ZNF292: variants seen among roughly 807,000 people sequenced by gnomAD.
The protein encoded by ZNF292 is 16 zinc-finger domain protein.
ZNF292 carries 26 observed loss-of-function variants against 217.9 expected under a neutral mutation model. The observed-to-expected ratio is 0.12, with a 90% CI of 0.09 to 0.17. The LOEUF (loss-of-function observed/expected upper bound fraction) is 0.17. Among genes scored for constraint, ZNF292 ranks in the 10% least tolerant of loss-of-function variants. The pLI is 1.00. For missense variants in ZNF292, 2,904 were observed against 3,175.2 expected, an observed-to-expected ratio of 0.91 and a Z score of 2.05; for synonymous variants, 1,257 against 1,124.1, an observed-to-expected ratio of 1.12 and a Z score of -2.37.
intron 1 of ZNF292, among the ~76,000 whole-genome samples, chr6:87,185,230 A>T (rs1211809852): frequency 6.6e-6 from 1 of 152,220 alleles, no homozygotes; most frequent in Non-Finnish European, 1.5e-5. Flanking sequence ...CATATGATGC[A>T]AATGTCCTTT....
At chr6:87,189,688 A>C (rs914887677) in intron 1 of ZNF292, among the ~76,000 whole-genome samples, 1 of 151,954 alleles carries the variant, frequency 6.6e-6, no homozygotes, top group Non-Finnish European at 1.5e-5. Flanking sequence ...GCCATCATCA[A>C]AGATGTATAT....
At chr6:87,240,232 A>G (rs549279021) in intron 5 of ZNF292, among the ~76,000 whole-genome samples, 21 of 152,268 alleles carry the variant, frequency 1.4e-4, no homozygotes, top group Admixed American at 6.5e-4. Context: ...TGCGCCTGCA[A>G]TCTCAGGCAC....
intron 1 of ZNF292, among the ~76,000 whole-genome samples, chr6:87,168,882 A>G (rs1771000043): frequency 6.6e-6 from 1 of 152,140 alleles, no homozygotes; most frequent in Non-Finnish European, 1.5e-5. Flanking sequence ...CAAAATCCCC[A>G]GATGCTCAAG....
intron 1 of ZNF292, among the ~76,000 whole-genome samples, chr6:87,203,152 T>TG (rs1457685693): frequency 1.3e-5 from 2 of 150,132 alleles, no homozygotes; most frequent in Admixed American, 6.6e-5. Flanking sequence ...TTTTTTTTTT[T>TG]TTAAAGTGAG....
chr6:87,169,385 C>T (rs1771024970), intron 1 of ZNF292, among the ~76,000 whole-genome samples: 2 of 151,790 alleles, frequency 1.3e-5, no homozygotes, highest in Admixed American at 1.3e-4. Context: ...TTTGTTGAAT[C>T]TATGGGTATG....
At chr6:87,250,937 T>C (rs1774888300) in intron 7 of ZNF292, among the ~76,000 whole-genome samples, 1 of 152,218 alleles carries the variant, frequency 6.6e-6, no homozygotes, top group South Asian at 2.1e-4. Flanking sequence ...GAATCTTGAA[T>C]ATCCAGTGAG....
chr6:87,167,250 C>T (rs957323189), intron 1 of ZNF292, among the ~76,000 whole-genome samples: 4 of 152,176 alleles, frequency 2.6e-5, no homozygotes, highest in Admixed American at 2.0e-4. Context: ...GTCACTTCAG[C>T]GAAAAACTTG....
Position 87,256,921 on chromosome 6 carries a change from T to A in ZNF292, c.3292T>A (p.Phe1098Ile), listed in dbSNP as rs370800153. The A allele has an allele frequency of 5.0e-6, 8 of 1,613,712 alleles. No homozygotes were observed. Among genetic ancestry groups the A allele is most frequent in the Non-Finnish European group, 6.8e-6 (8 of 1,179,836 alleles). The change falls in exon 8 of 8, where the codon TTC becomes ATC. Residue 1098 changes from phenylalanine to isoleucine, a missense_variant. Transcript: ENST00000369577. ...GCCTCCAAAAGCTCCAGTTCAGAAA[T>A]TCAGCTGCCAGGTCGAGGGATGTAC... The part of the protein sequence containing the change: ...SVPPKAPVQK[F>I]SCQVEGCTRT...
In ZNF292 at chr6:87,169,657, GTT is replaced by G. The variant is rs1582374403; in HGVS notation, c.168+13899_168+13900del. ...TAGCATTTAGTTGTTTTTTTGTTTT[GTT>G]CTGTTTTGAGACAGGGTCTCACTGT... is the stretch of plus-strand genomic sequence containing the variant. On this transcript the variant is annotated intron_variant, in intron 1 of 7. Transcript: ENST00000369577. The G allele has an allele frequency of 6.3e-5, 27 of 429,442 alleles. No individual in the cohort carries two copies. The East Asian group carries it at 7.8e-4, about 12-fold the overall frequency. The allele number at this position is 429,442 out of a possible 1,614,324, so 26.6% of individuals were successfully genotyped here. A position where few individuals can be genotyped will look rare whatever the true frequency, so the allele number is the denominator to read the frequency against.
chr6:87,192,002 ATT>A (rs1396704226), intron 1 of ZNF292, among the ~76,000 whole-genome samples: 1 of 152,122 alleles, frequency 6.6e-6, no homozygotes, highest in African/African-American at 2.4e-5. Flanking sequence ...AGGTTTGAGA[ATT>A]TGTTTCTCAT....
At chr6:87,190,915 A>T (rs1255918606) in intron 1 of ZNF292, among the ~76,000 whole-genome samples, 2 of 152,226 alleles carry the variant, frequency 1.3e-5, no homozygotes, top group Non-Finnish European at 2.9e-5. Context: ...AAGCAATACA[A>T]ATATCTTCCT....
At chr6:87,247,298 T>TGCATGCATGCATGCATGCAC (rs1185709681) in intron 7 of ZNF292, among the ~76,000 whole-genome samples, 1 of 149,440 alleles carries the variant, frequency 6.7e-6, no homozygotes, top group African/African-American at 2.5e-5. Context: ...CGCACGTGCA[T>TGCATGCATGCATGCATGCAC]GCATGCATGC....
chr6:87,223,220 G>A (rs576144121), intron 4 of ZNF292: 5 of 154,264 alleles, frequency 3.2e-5, no homozygotes, highest in Admixed American at 6.5e-5. Context: ...AGCTGGGACC[G>A]CAGGCATGTA....
rs574602182 is a variant in ZNF292, at chr6:87,244,371, AT to A, written c.878+763del. On this transcript the variant is annotated intron_variant, in intron 6 of 7. Transcript: ENST00000369577. Reference sequence around the variant, plus strand: ...TCTGAAGGGAGAATAAATAAGAAGTATTTATCCAGGACAAGTGTAATAGGTT... The same window carrying A: ...TCTGAAGGGAGAATAAATAAGAAGTATTATCCAGGACAAGTGTAATAGGTT... 1.4e-3 allele frequency among the ~76,000 whole-genome samples: 210 copies of A among 152,354 alleles called. 8 individuals are homozygous for A. In the South Asian group the frequency reaches 0.042, roughly 30 times the overall value.
chr6:87,209,262 C>T (rs1184081703), intron 1 of ZNF292, among the ~76,000 whole-genome samples: 1 of 152,110 alleles, frequency 6.6e-6, no homozygotes, highest in Admixed American at 6.5e-5. Context: ...GTCAGTCTTA[C>T]ATATGCTTTC....
chr6:87,263,808 T>C lies in ZNF292; in HGVS notation c.*2007T>C, dbSNP rs1389804725. ...GTTTTCTTAGAAATTGACCTAGCTC[T>C]TAAAGGTGGGCACTTGGCAAAACTG... On this transcript the variant is annotated 3_prime_UTR_variant, in exon 8 of 8. Transcript: ENST00000369577. 1 of 152,138 alleles carries C rather than the reference T, an allele frequency of 6.6e-6. No homozygotes were observed. Among genetic ancestry groups the C allele is most frequent in the East Asian group, 1.9e-4 (1 of 5,200 alleles). 9.4% of individuals were successfully genotyped at this position (152,138 alleles called of 1,614,324 possible).
At chr6:87,242,149 C>T (rs986965790) in intron 5 of ZNF292, among the ~76,000 whole-genome samples, 43 of 152,130 alleles carry the variant, frequency 2.8e-4, no homozygotes, top group African/African-American at 1.0e-3. Context: ...AAATATATAT[C>T]CTTCGGTCTT....
At chr6:87,202,691 A>G (rs1772130018) in intron 1 of ZNF292, among the ~76,000 whole-genome samples, 1 of 152,142 alleles carries the variant, frequency 6.6e-6, no homozygotes, top group South Asian at 2.1e-4. Context: ...GTAAAGAGAT[A>G]CTGATTCTTC....
At position 87,218,682 on chromosome 6, in the gene ZNF292, C is replaced by T; in HGVS notation, c.489C>T (p.Asn163=). The change falls in exon 4 of 8, where the codon AAC becomes AAT. Residue 163 remains asparagine, a synonymous_variant. Transcript: ENST00000369577. ...TLAQETGVWK[N]PVLCTILSQE... is the part of the protein sequence containing the mutation. ...CTCAAGAGACTGGGGTGTGGAAAAA[C>T]CCGGTACTGTGCACTATTCTTTCCC... 7 of 1,597,480 alleles carry T rather than the reference C, an allele frequency of 4.4e-6. No individual in the cohort carries two copies. The highest frequency in any genetic ancestry group is 6.0e-6 in the Non-Finnish European group (7 of 1,172,258).
Sources: gnomAD v4.1 joint callset for allele counts (sites outside exome capture counted in the v4.1 genomes callset) on GRCh38, gnomAD v4.1.1 for gene constraint, MANE v1.5 for transcripts, NCBI Gene and HGNC (gene_info 2026-07-23, HGNC 2026-07-21) for gene names.